PTPRT: variants seen among roughly 807,000 people sequenced by gnomAD.
The protein encoded by PTPRT is protein tyrosine phosphatase receptor type T.
PTPRT carries 56 observed loss-of-function variants against 176.8 expected under a neutral mutation model. The observed-to-expected ratio is 0.32, with a 90% confidence interval of 0.26 to 0.40. The LOEUF is 0.40. PTPRT is among the 10% of genes least tolerant of loss of function. PTPRT has a pLI of 1.00. For missense variants in PTPRT, 1,540 were observed against 1,908.2 expected, an observed-to-expected ratio of 0.81 and a Z score of 3.60; for synonymous variants, 783 against 739.0, an observed-to-expected ratio of 1.06 and a Z score of -0.96.
chr20:42,203,731 C>T (rs577514000), intron 15 of PTPRT, among the ~76,000 whole-genome samples: 20 of 152,274 alleles, frequency 1.3e-4, no homozygotes, highest in South Asian at 1.0e-3. Flanking sequence ...ATGGCAAAGA[C>T]GGGCATTAAA....
In PTPRT at chr20:42,838,561, A is replaced by G. The variant is rs976919448; in HGVS notation, c.215-47095T>C. ...ATGGGCTTCTGACCAAAGGGTCTAC[A>G]CCATGACCTTGCTCTGTGATCCCAC... is the stretch of plus-strand genomic sequence containing the variant. On this transcript the variant is annotated intron_variant, in intron 2 of 30. Coordinates refer to ENST00000373187, the MANE Select transcript of PTPRT (RefSeq NM_007050.6). Among the ~76,000 whole-genome samples the G allele has an allele frequency of 2.0e-5, 3 of 152,150 alleles. 1 individual carries two copies.
chr20:43,142,631 A>C (rs948936424), intron 1 of PTPRT, among the ~76,000 whole-genome samples: 2 of 152,218 alleles, frequency 1.3e-5, no homozygotes, highest in African/African-American at 4.8e-5. Flanking sequence ...CTATAGCTAC[A>C]ATTTGTTGAA....
At chr20:42,291,662 C>T (rs925613728) in intron 12 of PTPRT, among the ~76,000 whole-genome samples, 3 of 152,038 alleles carry the variant, frequency 2.0e-5, no homozygotes, top group African/African-American at 7.2e-5. Context: ...TCAGGAAGGT[C>T]ATCCCAGACT....
rs370559018 is a variant in PTPRT, at chr20:42,602,467, T to C, written c.1153+75399A>G. On this transcript the variant is annotated intron_variant, in intron 7 of 30. Coordinates refer to ENST00000373187, the MANE Select transcript of PTPRT (RefSeq NM_007050.6). ...GTGCTTACTTTCTGCCGGACACTGG[T>C]CAAACGGCTTTCTATATATCCTTTC... Among the ~76,000 whole-genome samples the C allele has an allele frequency of 3.7e-4, 57 of 152,278 alleles. No individual in the cohort carries two copies. The East Asian group carries it at 7.9e-3, about 21-fold the overall frequency.
chr20:43,162,178 C>G (rs1446818283), intron 1 of PTPRT, among the ~76,000 whole-genome samples: 1 of 152,170 alleles, frequency 6.6e-6, no homozygotes, highest in Non-Finnish European at 1.5e-5. Context: ...ACAACTGACT[C>G]TCGATGGCAA....
At chr20:43,070,741 T>C (rs6030626) in intron 1 of PTPRT, among the ~76,000 whole-genome samples, 99,211 of 151,650 alleles carry the variant, frequency 0.65, 33,329 homozygotes, top group East Asian at 0.82. Context: ...AACCAAACAC[T>C]GCATGTTCTC....
chr20:42,676,526 T>TGTA (rs1167102399), intron 7 of PTPRT, among the ~76,000 whole-genome samples: 1 of 144,254 alleles, frequency 6.9e-6, no homozygotes, highest in Admixed American at 6.9e-5. Flanking sequence ...CATCCCCAGC[T>TGTA]GTATATACAA....
intron 1 of PTPRT, among the ~76,000 whole-genome samples, chr20:43,090,230 T>C (rs1311098619): frequency 1.3e-5 from 2 of 151,514 alleles, no homozygotes; most frequent in Non-Finnish European, 2.9e-5. Context: ...TCCAAGATAC[T>C]GAAGGAGATT....
intron 15 of PTPRT, among the ~76,000 whole-genome samples, chr20:42,206,253 G>A (rs902579466): frequency 6.6e-5 from 10 of 152,208 alleles, no homozygotes; most frequent in African/African-American, 2.4e-4. Flanking sequence ...CATCACATAA[G>A]AATCAATAGT....
chr20:42,259,481 A>T (rs1299869529), intron 13 of PTPRT, among the ~76,000 whole-genome samples: 1 of 152,166 alleles, frequency 6.6e-6, no homozygotes, highest in Non-Finnish European at 1.5e-5. Flanking sequence ...CCTCCCAATG[A>T]CCTCAACTAC....
intron 9 of PTPRT, among the ~76,000 whole-genome samples, chr20:42,389,240 C>T (rs767846657): frequency 4.6e-5 from 7 of 151,554 alleles, no homozygotes; most frequent in Non-Finnish European, 1.0e-4. Flanking sequence ...CTAACCTGCA[C>T]GTTGTGCACA....
At position 42,857,455 on chromosome 20, in the gene PTPRT, CTT is replaced by C. The variant is rs201463102; in HGVS notation, c.214+28350_214+28351del. Reference sequence around the variant, plus strand: ...ATCTCTCAGCGTACATTTTTTCTCTCTTGTCTATTCTTTTAACCTTTTTGCAA... The same window carrying C: ...ATCTCTCAGCGTACATTTTTTCTCTCGTCTATTCTTTTAACCTTTTTGCAA... On this transcript the variant is annotated intron_variant, in intron 2 of 30. Coordinates refer to ENST00000373187, the MANE Select transcript of PTPRT (RefSeq NM_007050.6). Among the ~76,000 whole-genome samples, 645 of 152,270 alleles carry C rather than the reference CTT, an allele frequency of 4.2e-3. 5 individuals are homozygous for C. The highest frequency in any genetic ancestry group is 0.015 in the African/African-American group (621 of 41,552).
chr20:43,058,367 G>A lies in PTPRT; in HGVS notation c.88+131279C>T, dbSNP rs569239443. Among the ~76,000 whole-genome samples the A allele has an allele frequency of 1.3e-4, 20 of 151,840 alleles. No homozygotes were observed. In the South Asian group the frequency reaches 2.9e-3, roughly 22 times the overall value. ...GGGGAGAGAGAACAATGAAGAGAGA[G>A]AGGGAAGGAGAGAAGAGAGAAAGAG... On this transcript the variant is annotated intron_variant, in intron 1 of 30. Transcript: ENST00000373187.
At chr20:42,499,155 T>A (rs1601135012) in intron 7 of PTPRT, among the ~76,000 whole-genome samples, 1 of 152,034 alleles carries the variant, frequency 6.6e-6, no homozygotes, top group African/African-American at 2.4e-5. Flanking sequence ...GGCTACAAAA[T>A]TAACTGTAGT....
chr20:42,921,937 C>T (rs1191374831), intron 1 of PTPRT, among the ~76,000 whole-genome samples: 1 of 152,166 alleles, frequency 6.6e-6, no homozygotes, highest in Non-Finnish European at 1.5e-5. Context: ...TCTTGCTTGT[C>T]TTCCACCTAC....
At chr20:43,098,798 C>T (rs1316800542) in intron 1 of PTPRT, among the ~76,000 whole-genome samples, 1 of 152,180 alleles carries the variant, frequency 6.6e-6, no homozygotes, top group Non-Finnish European at 1.5e-5. Flanking sequence ...CTCCAGGACC[C>T]TGGGCTTAGT....
intron 1 of PTPRT, among the ~76,000 whole-genome samples, chr20:42,896,337 A>C (rs1160341629): frequency 6.6e-6 from 1 of 152,068 alleles, no homozygotes; most frequent in Non-Finnish European, 1.5e-5. Context: ...CTTCTTCAAA[A>C]TTAAGAAATC....
intron 16 of PTPRT, among the ~76,000 whole-genome samples, chr20:42,193,824 C>T (rs1036134304): frequency 1.3e-5 from 2 of 152,138 alleles, no homozygotes; most frequent in African/African-American, 4.8e-5. Context: ...TCAATATATC[C>T]TGGTCCTGAC....
chr20:42,131,505 G>A (rs557225715), intron 18 of PTPRT, among the ~76,000 whole-genome samples: 45 of 152,100 alleles, frequency 3.0e-4, no homozygotes, highest in Non-Finnish European at 4.7e-4. Flanking sequence ...TTGAAAAACC[G>A]GAAAGCAAAA....
Sources: allele counts gnomAD v4.1 joint callset (sites outside exome capture counted in the v4.1 genomes callset), GRCh38; gene constraint gnomAD v4.1.1; transcripts MANE v1.5; gene names NCBI Gene and HGNC (gene_info 2026-07-23, HGNC 2026-07-21).